SLC24A2: variants seen among roughly 807,000 people sequenced by gnomAD.
The protein encoded by SLC24A2 is solute carrier family 24 member 2, also known as sodium/potassium/calcium exchanger 2.
SLC24A2 carries 36 observed loss-of-function variants against 62.0 expected under a neutral mutation model. The observed-to-expected ratio is 0.58, with a 90% CI of 0.44 to 0.77. The LOEUF (loss-of-function observed/expected upper bound fraction) is 0.77, where lower values mean the gene tolerates loss of function less well. Among genes scored for constraint, SLC24A2 ranks in the 30% least tolerant of loss-of-function variants. The pLI is 0.00. For synonymous variants in SLC24A2, 358 were observed against 294.0 expected (o/e 1.22, Z -2.23); for missense variants, 846 against 817.9 (o/e 1.03, Z -0.42).
At chr9:19,899,272 G>A in the SLC24A2 span, among the ~76,000 whole-genome samples, 27 of 152,290 alleles carry the variant, frequency 1.8e-4, no homozygotes, top group African/African-American at 6.5e-4. Flanking sequence ...ACTTGTCAAA[G>A]ACTGACTCTC....
chr9:20,290,994 A>C, the SLC24A2 span, among the ~76,000 whole-genome samples: 63 of 152,328 alleles, frequency 4.1e-4, no homozygotes, highest in East Asian at 0.012. Context: ...ACAACCTGGC[A>C]AGCAGGGCAT....
the SLC24A2 span, among the ~76,000 whole-genome samples, chr9:20,238,528 TAGTC>T: frequency 6.6e-6 from 1 of 152,162 alleles, no homozygotes; most frequent in Admixed American, 6.5e-5. Context: ...AAAATTAAGT[TAGTC>T]AGAAAATACA....
the SLC24A2 span, among the ~76,000 whole-genome samples, chr9:20,070,128 G>A: frequency 7.2e-5 from 11 of 151,960 alleles, no homozygotes; most frequent in Admixed American, 5.2e-4. Context: ...TTAATCAATG[G>A]CATCAAACAA....
At chr9:20,102,001 G>A in the SLC24A2 span, among the ~76,000 whole-genome samples, 14 of 152,222 alleles carry the variant, frequency 9.2e-5, no homozygotes, top group African/African-American at 1.9e-4. Context: ...CCTTTATACC[G>A]AAGGACAGAG....
chr9:19,657,753 G>A (rs745877048), intron 2 of SLC24A2, among the ~76,000 whole-genome samples: 9 of 151,966 alleles, frequency 5.9e-5, no homozygotes, highest in South Asian at 2.1e-4. Context: ...TTGAAACAGC[G>A]TCTTGTGGCG....
the SLC24A2 span, among the ~76,000 whole-genome samples, chr9:20,220,555 A>C: frequency 6.6e-6 from 1 of 152,156 alleles, no homozygotes; most frequent in Non-Finnish European, 1.5e-5. Context: ...TACACAACAC[A>C]TGTCCCAGGG....
At chr9:19,919,271 C>A in the SLC24A2 span, among the ~76,000 whole-genome samples, 1,039 of 152,138 alleles carry the variant, frequency 6.8e-3, 14 homozygotes, top group African/African-American at 0.023. Flanking sequence ...ACAATCACCA[C>A]GAGTGATTCC....
At chr9:19,597,493 G>C (rs1455374000) in intron 4 of SLC24A2, among the ~76,000 whole-genome samples, 3 of 152,232 alleles carry the variant, frequency 2.0e-5, no homozygotes, top group African/African-American at 7.2e-5. Flanking sequence ...ACCGGGGGTA[G>C]AGTGTGCCCT....
the SLC24A2 span, among the ~76,000 whole-genome samples, chr9:20,045,934 C>A: frequency 6.6e-6 from 1 of 152,204 alleles, no homozygotes; most frequent in Non-Finnish European, 1.5e-5. Context: ...TAGAGCCACA[C>A]TCCCCACATA....
the SLC24A2 span, among the ~76,000 whole-genome samples, chr9:20,038,671 A>C: frequency 6.6e-6 from 1 of 151,880 alleles, no homozygotes; most frequent in African/African-American, 2.4e-5. Context: ...AGATAAAATC[A>C]GGAATTAAAC....
the SLC24A2 span, among the ~76,000 whole-genome samples, chr9:20,224,856 C>G: frequency 6.6e-6 from 1 of 151,828 alleles, no homozygotes; most frequent in East Asian, 2.0e-4. Flanking sequence ...CACAGCTGCC[C>G]TCATTTCCAC....
chr9:19,905,758 A>C, the SLC24A2 span, among the ~76,000 whole-genome samples: 2 of 152,120 alleles, frequency 1.3e-5, no homozygotes, highest in Non-Finnish European at 2.9e-5. Flanking sequence ...CTGTCCTCTT[A>C]GGTTTAGTTC....
the SLC24A2 span, among the ~76,000 whole-genome samples, chr9:19,845,224 T>G: frequency 1.3e-5 from 2 of 152,152 alleles, no homozygotes; most frequent in Non-Finnish European, 2.9e-5. Context: ...TGTAAAGATC[T>G]TTCACCTCCT....
chr9:19,970,689 G>T, the SLC24A2 span, among the ~76,000 whole-genome samples: 1 of 152,148 alleles, frequency 6.6e-6, no homozygotes, highest in Non-Finnish European at 1.5e-5. Flanking sequence ...TAGGAATTAT[G>T]ACATGAAATG....
intron 2 of SLC24A2, among the ~76,000 whole-genome samples, chr9:19,670,561 C>G (rs1819385459): frequency 6.6e-6 from 1 of 152,110 alleles, no homozygotes; most frequent in African/African-American, 2.4e-5. Context: ...TATTTCATTG[C>G]TATTATTATT....
chr9:19,681,900 T>C (rs1819733389), intron 2 of SLC24A2, among the ~76,000 whole-genome samples: 1 of 152,184 alleles, frequency 6.6e-6, no homozygotes, highest in Non-Finnish European at 1.5e-5. Context: ...CAGTATATTA[T>C]GTTCGCAGAA....
At chr9:19,541,694 C>A (rs1383795396) in intron 8 of SLC24A2, among the ~76,000 whole-genome samples, 3 of 148,762 alleles carry the variant, frequency 2.0e-5, no homozygotes, top group Non-Finnish European at 4.5e-5. Context: ...GTGGAGCCTA[C>A]AGAGGCAGGC....
chr9:19,830,622 T>A, the SLC24A2 span, among the ~76,000 whole-genome samples: 2 of 152,216 alleles, frequency 1.3e-5, no homozygotes, highest in Non-Finnish European at 2.9e-5. Flanking sequence ...TCTTCCATTC[T>A]ATGAACCAGC....
intron 2 of SLC24A2, among the ~76,000 whole-genome samples, chr9:19,702,331 C>T (rs573330409): frequency 4.6e-5 from 7 of 152,248 alleles, no homozygotes; most frequent in South Asian, 2.1e-4. Context: ...TATTCACAAA[C>T]CTTCTCCCAG....
Sources: gnomAD v4.1 joint callset for allele counts (sites outside exome capture counted in the v4.1 genomes callset) on GRCh38, gnomAD v4.1.1 for gene constraint, MANE v1.5 for transcripts, NCBI Gene and HGNC (gene_info 2026-07-23, HGNC 2026-07-21) for gene names.